The following POLR3E variants were observed in gnomAD, a reference collection of about 807,000 sequenced individuals.
POLR3E encodes RNA polymerase III subunit E, also known as DNA-directed RNA polymerase III subunit RPC5.
In POLR3E, 41 loss-of-function variants were observed where a neutral mutation model predicts 96.6. The observed-to-expected ratio is 0.42, with a 90% CI of 0.33 to 0.55. POLR3E has a LOEUF of 0.55. Ranked by LOEUF, POLR3E falls within the 20% of genes least tolerant of loss-of-function variation. POLR3E has a pLI of 0.06. For missense variants in POLR3E, 849 were observed against 952.1 expected, an observed-to-expected ratio of 0.89 and a Z score of 1.43; for synonymous variants, 396 against 383.6, an observed-to-expected ratio of 1.03 and a Z score of -0.38.
chr16:22,328,448 G>A, intron 18 of POLR3E, 62 bp from the exon 19 acceptor site: 1 of 1,402,566 alleles, frequency 7.1e-7, no homozygotes, highest in Admixed American at 1.7e-5. Context: ...GGAGGGATGA[G>A]GCAAGCAAAT....
chr16:22,312,791 G>A (rs576451528), intron 6 of POLR3E, among the ~76,000 whole-genome samples: 4 of 150,682 alleles, frequency 2.7e-5, no homozygotes, highest in Admixed American at 1.3e-4. Context: ...CACTTGAACC[G>A]GGGAGGTGGA....
intron 6 of POLR3E, 138 bp downstream of exon 6, chr16:22,309,648 A>C (rs2048206003): frequency 1.4e-6 from 1 of 723,210 alleles, no homozygotes; most frequent in South Asian, 1.5e-5. Context: ...AGGTGTGGAA[A>C]TAACAGAAAT....
intron 3 of POLR3E, among the ~76,000 whole-genome samples, chr16:22,306,574 G>C (rs903272109): frequency 6.6e-6 from 1 of 152,154 alleles, no homozygotes; most frequent in Non-Finnish European, 1.5e-5. Flanking sequence ...TTTTACTGAT[G>C]AATAATGTTC....
intron 1 of POLR3E, 194 bp from the exon 2 acceptor site, chr16:22,302,737 C>G: frequency 1.7e-6 from 1 of 586,788 alleles, no homozygotes; most frequent in South Asian, 2.1e-5. Flanking sequence ...TTGAGTGTTT[C>G]TTTTTTTCTT....
intron 17 of POLR3E, among the ~76,000 whole-genome samples, 199 bp from the exon 18 acceptor site, chr16:22,325,562 A>G (rs1391346018): frequency 6.6e-6 from 1 of 151,972 alleles, no homozygotes; most frequent in Non-Finnish European, 1.5e-5. Context: ...TGGGGGGAGG[A>G]ACTCAGCAGC....
chr16:22,302,412 G>A (rs1299845635), intron 1 of POLR3E: 1 of 159,288 alleles, frequency 6.3e-6, no homozygotes, highest in East Asian at 1.8e-4. Context: ...AGTGTGTGAA[G>A]AGGTCATTTT....
intron 12 of POLR3E, among the ~76,000 whole-genome samples, chr16:22,317,989 C>A (rs1216060989): frequency 1.3e-5 from 2 of 152,064 alleles, no homozygotes; most frequent in African/African-American, 4.8e-5. Context: ...AGCCGCAGAA[C>A]CTGGGCTCGT....
intron 1 of POLR3E, chr16:22,298,831 T>C: frequency 2.7e-6 from 1 of 369,404 alleles, no homozygotes; most frequent in Non-Finnish European, 5.4e-6. Flanking sequence ...CTATATTGAG[T>C]GTCAACTTCG....
At chr16:22,304,166 T>C (rs928818830) in intron 2 of POLR3E, among the ~76,000 whole-genome samples, 2 of 152,118 alleles carry the variant, frequency 1.3e-5, no homozygotes, top group Non-Finnish European at 2.9e-5. Context: ...TTCAGAATCC[T>C]TTTAACCCAG....
rs1462856653 is a variant in POLR3E at position 22,308,995 on chromosome 16, T to C, written c.236T>C (p.Leu79Pro). Residue 79 changes from leucine to proline, a missense_variant, in exon 5 of 21, where the codon CTG becomes CCG. By Grantham distance (98) the Leu-to-Pro change is moderately conservative. Transcript: ENST00000299853. Reference protein sequence around the residue: ...YCRSKGEQIALNVDGACADET... With the variant: ...YCRSKGEQIAPNVDGACADET... ...CGCAGCAAAGGGGAGCAGATTGCGCTGAACGTGGACGGGGCCTGCGCCGAC... is the reference window on the plus strand; with the variant it reads ...CGCAGCAAAGGGGAGCAGATTGCGCCGAACGTGGACGGGGCCTGCGCCGAC... 7 of 1,613,902 alleles carry C rather than the reference T, an allele frequency of 4.3e-6. No individual in the cohort carries two copies. The Admixed American group carries it at 5.0e-5, about 12-fold the overall frequency.
In POLR3E at chr16:22,322,529, G is replaced by A. The variant is rs556137447; in HGVS notation, c.987-321G>A. 2.0e-5 allele frequency among the ~76,000 whole-genome samples: 3 copies of A among 152,208 alleles called. No individual in the cohort carries two copies. The East Asian group carries it at 5.8e-4, about 29-fold the overall frequency. On this transcript the variant is annotated intron_variant, in intron 13 of 20. Coordinates refer to ENST00000299853, the MANE Select transcript of POLR3E (RefSeq NM_018119.4). This position sits in a 1 kb window ranked among gnomAD's most constrained non-coding sequence, Gnocchi z 5.2. ...TGTCTTCCAGAGTCCTGGGCTCCTT[G>A]AGGTCCCGGGCTGTTCCTCACCTTG...
rs1198175409 is a variant in POLR3E at position 22,299,575 on chromosome 16, G to A, written c.-39+2038G>A. On this transcript the variant is annotated intron_variant, in intron 1 of 20. Coordinates refer to ENST00000299853, the MANE Select transcript of POLR3E (RefSeq NM_018119.4). ...ATTACAGGCGTGCATCACCACGCCT[G>A]GCTAATTTTTGTATTTTAAGTAGAG... 4.0e-5 allele frequency among the ~76,000 whole-genome samples: 6 copies of A among 151,874 alleles called. No individual in the cohort carries two copies. The East Asian group carries it at 9.7e-4, about 25-fold the overall frequency.
intron 1 of POLR3E, among the ~76,000 whole-genome samples, chr16:22,299,381 G>A (rs2047973098): frequency 6.6e-6 from 1 of 151,508 alleles, no homozygotes; most frequent in African/African-American, 2.4e-5. Context: ...GCAGTTGACA[G>A]GTCTTAGGCA....
rs2048300683 is a variant in POLR3E at position 22,313,947 on chromosome 16, A to G, written c.473-132A>G. On this transcript the variant is annotated intron_variant, in intron 7 of 20. Coordinates refer to ENST00000299853, the MANE Select transcript of POLR3E (RefSeq NM_018119.4). The surrounding 1 kb of genome is among the most constrained non-coding windows in gnomAD (Gnocchi z 4.1). The stretch of plus-strand genomic sequence containing the variant: ...GCAAAACTGTCCCCGATTGAGAACC[A>G]CTGGCTTAGGCAGCTCCCTCTGCGA... 2 of 813,978 alleles carry G rather than the reference A, an allele frequency of 2.5e-6. No individual in the cohort carries two copies. Among genetic ancestry groups the G allele is most frequent in the Non-Finnish European group, 4.2e-6 (2 of 477,174 alleles). 50.4% of individuals were successfully genotyped at this position (813,978 alleles called of 1,614,324 possible).
chr16:22,320,454 GT>G (rs1226898407), intron 13 of POLR3E, among the ~76,000 whole-genome samples: 1 of 152,024 alleles, frequency 6.6e-6, no homozygotes, highest in Non-Finnish European at 1.5e-5. Flanking sequence ...AAGAGGCAGG[GT>G]TTTGCTGTGT....
chr16:22,330,988 C>CTTTTTTTTTTTTTTTTT (rs56100056), intron 19 of POLR3E, among the ~76,000 whole-genome samples: 2 of 50,732 alleles, frequency 3.9e-5, no homozygotes, highest in Non-Finnish European at 7.7e-5. Context: ...ATGAAGCATC[C>CTTTTTTTTTTTTTTTTT]TTTTTTTTTT....
chr16:22,309,238 T>C lies in POLR3E; in HGVS notation c.282-190T>C, dbSNP rs2048194858. The stretch of plus-strand genomic sequence containing the variant: ...GAGCTCCTACCCACTCCTCGTCTCT[T>C]GGTCTACAAACAAGGCCATGGGTTT... On this transcript the variant is annotated intron_variant, in intron 5 of 20. Transcript: ENST00000299853. The C allele has an allele frequency of 7.2e-6, 5 of 692,184 alleles. No homozygotes were observed. The Admixed American group carries it at 1.1e-4, about 15-fold the overall frequency. 42.9% of individuals were successfully genotyped at this position (692,184 alleles called of 1,614,324 possible). A position where few individuals can be genotyped will look rare whatever the true frequency, so the allele number is the denominator to read the frequency against.
intron 1 of POLR3E, 92 bp from the exon 2 acceptor site, chr16:22,302,839 T>C: frequency 1.2e-6 from 1 of 855,782 alleles, no homozygotes. Context: ...GGTTGTGGGC[T>C]CCCCCTCCCA....
At chr16:22,314,233 C>A in intron 8 of POLR3E, 105 bp downstream of exon 8, 2 of 895,002 alleles carry the variant, frequency 2.2e-6, no homozygotes, top group Non-Finnish European at 3.6e-6. Context: ...CAGACAGGGC[C>A]CATGCTTTTG....
Sources: gnomAD v4.1 joint callset for allele counts (sites outside exome capture counted in the v4.1 genomes callset) on GRCh38, gnomAD v4.1.1 for gene constraint, Gnocchi (gnomAD v3.1) non-coding constraint, MANE v1.5 for transcripts, NCBI Gene and HGNC (gene_info 2026-07-23, HGNC 2026-07-21) for gene names.